Variants in ANTXR1 observed in about 807,000 individuals in gnomAD.
ANTXR1 encodes the protein anthrax toxin receptor 1.
In ANTXR1, 19 loss-of-function variants were observed where a neutral mutation model predicts 78.1. The observed-to-expected ratio is 0.24, with a 90% CI of 0.17 to 0.36. The LOEUF (loss-of-function observed/expected upper bound fraction) is 0.36. Ranked by LOEUF, ANTXR1 falls within the 10% of genes least tolerant of loss-of-function variation. ANTXR1 has a pLI of 1.00. For missense variants in ANTXR1, 518 were observed against 718.6 expected, an observed-to-expected ratio of 0.72 and a Z score of 3.19; for synonymous variants, 273 against 260.5, an observed-to-expected ratio of 1.05 and a Z score of -0.46.
intron 1 of ANTXR1, among the ~76,000 whole-genome samples, chr2:69,028,485 A>T (rs1183725898): frequency 1.3e-5 from 2 of 152,188 alleles, no homozygotes; most frequent in African/African-American, 2.4e-5. Context: ...TAGCCAAGAT[A>T]TCACTTACAC....
At chr2:69,133,880 G>C (rs1288726719) in intron 12 of ANTXR1, among the ~76,000 whole-genome samples, 2 of 152,140 alleles carry the variant, frequency 1.3e-5, no homozygotes, top group African/African-American at 2.4e-5. Flanking sequence ...GTGGGCTTTG[G>C]GATCAGATCA....
intron 8 of ANTXR1, among the ~76,000 whole-genome samples, chr2:69,082,929 A>T (rs1368837717): frequency 6.6e-6 from 1 of 152,232 alleles, no homozygotes; most frequent in African/African-American, 2.4e-5. Flanking sequence ...GAGCAAACAC[A>T]ACTATGTTTG....
chr2:69,096,063 C>T (rs184147606), intron 9 of ANTXR1, among the ~76,000 whole-genome samples: 7 of 152,076 alleles, frequency 4.6e-5, no homozygotes, highest in Admixed American at 1.3e-4. Context: ...TCGAGACCAT[C>T]CTGGCTAACA....
intron 3 of ANTXR1, among the ~76,000 whole-genome samples, chr2:69,048,351 C>T (rs1669835987): frequency 6.6e-6 from 1 of 152,050 alleles, no homozygotes; most frequent in Admixed American, 6.6e-5. Context: ...TTTCTGTATA[C>T]ATTTGGTTAT....
chr2:69,244,823 TC>T (rs1240005266), intron 17 of ANTXR1, among the ~76,000 whole-genome samples: 2 of 152,192 alleles, frequency 1.3e-5, no homozygotes, highest in Non-Finnish European at 2.9e-5. Flanking sequence ...CCCCATCTCT[TC>T]CTAGTTGTGT....
intron 12 of ANTXR1, among the ~76,000 whole-genome samples, chr2:69,135,699 T>C (rs542328122): frequency 1.3e-5 from 2 of 152,136 alleles, no homozygotes; most frequent in African/African-American, 4.8e-5. Flanking sequence ...ATAATTCTGA[T>C]CTGCACTTAA....
At chr2:69,124,829 G>T (rs553422641) in intron 12 of ANTXR1, among the ~76,000 whole-genome samples, 186 bp downstream of exon 12, 1 of 152,288 alleles carries the variant, frequency 6.6e-6, no homozygotes, top group South Asian at 2.1e-4. Flanking sequence ...GTACCCCAGA[G>T]TGTATCAGGC....
At chr2:69,127,343 A>G (rs542527137) in intron 12 of ANTXR1, among the ~76,000 whole-genome samples, 11 of 152,168 alleles carry the variant, frequency 7.2e-5, no homozygotes, top group African/African-American at 2.2e-4. Flanking sequence ...TCCCAAACCA[A>G]GAGCCCTCAT....
At chr2:69,078,131 T>C (rs1177487785) in intron 8 of ANTXR1, among the ~76,000 whole-genome samples, 1 of 152,178 alleles carries the variant, frequency 6.6e-6, no homozygotes, top group Non-Finnish European at 1.5e-5. Context: ...TTTTCCTGAA[T>C]AGTAAACAGG....
intron 2 of ANTXR1, among the ~76,000 whole-genome samples, chr2:69,042,432 T>C (rs999766982): frequency 2.0e-5 from 3 of 152,150 alleles, no homozygotes; most frequent in Non-Finnish European, 2.9e-5. Flanking sequence ...CCCTCCCATG[T>C]AAGGCCAACC....
At chr2:69,081,843 A>G (rs1370775585) in intron 8 of ANTXR1, among the ~76,000 whole-genome samples, 2 of 152,248 alleles carry the variant, frequency 1.3e-5, no homozygotes, top group Non-Finnish European at 2.9e-5. Flanking sequence ...TGTGCAAATC[A>G]TTTCACATAA....
chr2:69,107,459 C>T (rs1264572064), intron 10 of ANTXR1, among the ~76,000 whole-genome samples: 1 of 152,060 alleles, frequency 6.6e-6, no homozygotes, highest in Non-Finnish European at 1.5e-5. Context: ...AGGCTGGTCT[C>T]GAACTCCTGG....
chr2:69,154,923 G>A (rs1276545190), intron 13 of ANTXR1, among the ~76,000 whole-genome samples: 3 of 152,152 alleles, frequency 2.0e-5, no homozygotes, highest in South Asian at 2.1e-4. Context: ...AGGAGAGCAG[G>A]CCCAGTTACT....
intron 3 of ANTXR1, among the ~76,000 whole-genome samples, chr2:69,069,051 G>C (rs1332199586): frequency 6.6e-6 from 1 of 152,116 alleles, no homozygotes; most frequent in Non-Finnish European, 1.5e-5. Flanking sequence ...TGAGTTACTT[G>C]GTATTAAATA....
intron 1 of ANTXR1, among the ~76,000 whole-genome samples, chr2:69,039,407 CT>C (rs1376729433): frequency 3.3e-5 from 5 of 152,140 alleles, no homozygotes; most frequent in African/African-American, 1.2e-4. Context: ...AAGAGGATTC[CT>C]TTTTCGTATA....
rs1049987397 is a variant in ANTXR1, at chr2:69,247,415, C to T, written c.*1930C>T. On this transcript the variant is annotated 3_prime_UTR_variant, in exon 18 of 18. Transcript: ENST00000303714. ...ACTGACACATCTCCAGGTGTACCTC[C>T]AACCCTAGCCTTCTCCCACAGCTGC... The T allele has an allele frequency of 6.5e-6, 1 of 152,814 alleles. No homozygotes were observed. The highest frequency in any genetic ancestry group is 2.4e-5 in the African/African-American group (1 of 41,438). The allele number at this position is 152,814 out of a possible 1,614,324, so 9.5% of individuals were successfully genotyped here. A position where few individuals can be genotyped will look rare whatever the true frequency, so the allele number is the denominator to read the frequency against.
chr2:69,146,804 G>A (rs1387383729), intron 12 of ANTXR1, among the ~76,000 whole-genome samples: 1 of 152,252 alleles, frequency 6.6e-6, no homozygotes, highest in East Asian at 1.9e-4. Flanking sequence ...GGGACCTCTG[G>A]CCCAGATGGT....
chr2:69,169,802 C>A (rs1171203869), intron 13 of ANTXR1, among the ~76,000 whole-genome samples: 1 of 152,248 alleles, frequency 6.6e-6, no homozygotes, highest in East Asian at 1.9e-4. Context: ...CAGCAGCCCG[C>A]GTGGGGTCCA....
At chr2:69,039,016 G>A (rs1050842363) in intron 1 of ANTXR1, among the ~76,000 whole-genome samples, 1 of 152,114 alleles carries the variant, frequency 6.6e-6, no homozygotes, top group African/African-American at 2.4e-5. Context: ...AATTGTAAAC[G>A]AGTGCATAAT....
Sources: gnomAD v4.1 joint callset for allele counts (sites outside exome capture counted in the v4.1 genomes callset) on GRCh38, gnomAD v4.1.1 for gene constraint, MANE v1.5 for transcripts, NCBI Gene and HGNC (gene_info 2026-07-23, HGNC 2026-07-21) for gene names.